The following GTPBP10 variants were observed in gnomAD, a reference collection of about 807,000 sequenced individuals.
GTPBP10 encodes GTP-binding protein 10.
In GTPBP10, 38 loss-of-function variants were observed where a neutral mutation model predicts 44.8. That is an observed-to-expected ratio of 0.85 (90% CI 0.65 to 1.11). GTPBP10 has a LOEUF of 1.11. Ranked by LOEUF, GTPBP10 falls within the 50% of genes most tolerant of loss-of-function variation. The pLI, the probability that GTPBP10 is intolerant of heterozygous loss-of-function variation, is 0.00. For missense variants in GTPBP10, 462 were observed against 453.7 expected (o/e 1.02, Z -0.17); for synonymous variants, 152 against 150.6 (o/e 1.01, Z -0.07).
intron 8 of GTPBP10, among the ~76,000 whole-genome samples, chr7:90,378,750 G>T (rs563734390): frequency 4.6e-5 from 7 of 151,970 alleles, no homozygotes; most frequent in Admixed American, 3.9e-4. Flanking sequence ...TGCTCTGTCT[G>T]CCAGGCTGTA....
At chr7:90,380,932 C>A (rs1245855505) in intron 8 of GTPBP10, among the ~76,000 whole-genome samples, 2 of 152,062 alleles carry the variant, frequency 1.3e-5, no homozygotes, top group African/African-American at 4.8e-5. Context: ...ATAGTGTTCT[C>A]CAGGTTCATC....
At position 90,361,946 on chromosome 7, in the gene GTPBP10, A is replaced by C. The variant is rs191936917; in HGVS notation, c.464+6716A>C. On this transcript the variant is annotated intron_variant, in intron 4 of 9. Coordinates refer to ENST00000222511, the MANE Select transcript of GTPBP10 (RefSeq NM_033107.4). ...GGTGTTTATAGTATTGTCTGATGGTAGTTTGTATTTCTGTGGGATCAGTGG... is the reference window on the plus strand; with the variant it reads ...GGTGTTTATAGTATTGTCTGATGGTCGTTTGTATTTCTGTGGGATCAGTGG... 5.8e-3 allele frequency among the ~76,000 whole-genome samples: 880 copies of C among 152,260 alleles called. 7 individuals are homozygous for C. The highest frequency in any genetic ancestry group is 0.018 in the African/African-American group (747 of 41,550).
intron 8 of GTPBP10, among the ~76,000 whole-genome samples, chr7:90,378,771 A>T (rs530000604): frequency 6.6e-6 from 1 of 152,112 alleles, no homozygotes; most frequent in South Asian, 2.1e-4. Flanking sequence ...GTGCAGTGGC[A>T]TGATCTCGGC....
chr7:90,366,361 C>T (rs915883227), intron 4 of GTPBP10, among the ~76,000 whole-genome samples: 1 of 152,154 alleles, frequency 6.6e-6, no homozygotes, highest in African/African-American at 2.4e-5. Context: ...GGTACCAGCT[C>T]CTCTTTGTAC....
intron 5 of GTPBP10, among the ~76,000 whole-genome samples, chr7:90,372,708 A>G (rs1796281831): frequency 6.6e-6 from 1 of 152,000 alleles, no homozygotes. Flanking sequence ...TTTTTCTGTC[A>G]CAGAATCGTT....
Position 90,346,817 on chromosome 7 carries a change from G to GC in GTPBP10, c.33+44dup, listed in dbSNP as rs758147753. ...CAGCCTGGTCCCCTTAGCGCTGACA[G>GC]CTCTGGTTCTTCTTTGCTCCCCTGT... On this transcript the variant is annotated intron_variant, in intron 1 of 9. Transcript: ENST00000222511. 1.3e-4 allele frequency: 202 copies of GC among 1,595,014 alleles called. 1 individual carries two copies. Among genetic ancestry groups the GC allele is most frequent in the Middle Eastern group, 1.7e-4 (1 of 6,028 alleles).
At chr7:90,384,048 T>C (rs1796478557) in intron 9 of GTPBP10, among the ~76,000 whole-genome samples, 1 of 152,214 alleles carries the variant, frequency 6.6e-6, no homozygotes, top group African/African-American at 2.4e-5. Context: ...TTTTTGCTAG[T>C]TGATCTTGCA....
At position 90,387,343 on chromosome 7, in the gene GTPBP10, C is replaced by CAAACAA. The variant is rs67058094; in HGVS notation, c.*2192_*2193insCAAAAA. ...AAGAGGGAGACTTCCTCTCAAAAAA[C>CAAACAA]AAAATATTGTACTTCAAAAAATTAT... On this transcript the variant is annotated 3_prime_UTR_variant, in exon 10 of 10. Coordinates refer to ENST00000222511, the MANE Select transcript of GTPBP10 (RefSeq NM_033107.4). 1.3e-5 allele frequency: 2 copies of CAAACAA among 152,204 alleles called. No individual in the cohort carries two copies. The highest frequency in any genetic ancestry group is 4.8e-5 in the African/African-American group (2 of 41,522). 9.4% of individuals were successfully genotyped at this position (152,204 alleles called of 1,614,324 possible).
In GTPBP10 at chr7:90,353,021, C is replaced by T. The variant is rs1457795953; in HGVS notation, c.227+12C>T. The T allele has an allele frequency of 6.6e-7, 1 of 1,506,962 alleles. No individual in the cohort carries two copies. The highest frequency in any genetic ancestry group is 2.1e-5 in the Admixed American group (1 of 47,344). The allele number at this position is 1,506,962 out of a possible 1,614,324, so 93.3% of individuals were successfully genotyped here. A position where few individuals can be genotyped will look rare whatever the true frequency, so the allele number is the denominator to read the frequency against. ...GGAGCAAACAGCAAGTAAGTAATTA[C>T]TGAATGACTTAAATTTTAGAAAATC... On this transcript the variant is annotated intron_variant, in intron 2 of 9. Coordinates refer to ENST00000222511, the MANE Select transcript of GTPBP10 (RefSeq NM_033107.4).
At position 90,391,097 on chromosome 7, in the gene GTPBP10, G is replaced by A. The variant is rs960895405; in HGVS notation, c.*5943G>A. ...TCTGTTTTGAAAACAAATCTTTCCAGGAAGTGGTACCACTCTGGGGTCAAG... is the reference window on the plus strand; with the variant it reads ...TCTGTTTTGAAAACAAATCTTTCCAAGAAGTGGTACCACTCTGGGGTCAAG... On this transcript the variant is annotated 3_prime_UTR_variant, in exon 10 of 10. Transcript: ENST00000222511. 5 of 152,108 alleles carry A rather than the reference G, an allele frequency of 3.3e-5. No homozygotes were observed. Among genetic ancestry groups the A allele is most frequent in the African/African-American group, 9.7e-5 (4 of 41,402 alleles). 9.4% of individuals were successfully genotyped at this position (152,108 alleles called of 1,614,324 possible).
intron 8 of GTPBP10, among the ~76,000 whole-genome samples, chr7:90,379,562 C>G (rs111573084): frequency 6.6e-6 from 1 of 152,176 alleles, no homozygotes; most frequent in Non-Finnish European, 1.5e-5. Context: ...TGCCTTACCT[C>G]CAGGATTTTA....
rs918223656 is a variant in GTPBP10 at position 90,387,765 on chromosome 7, G to A, written c.*2611G>A. ...TGATAACAGAAACTGCAGGGGATTGGAATAGCCTCTTTACAAGAAAAGAAT... is the reference window on the plus strand; with the variant it reads ...TGATAACAGAAACTGCAGGGGATTGAAATAGCCTCTTTACAAGAAAAGAAT... On this transcript the variant is annotated 3_prime_UTR_variant, in exon 10 of 10. Transcript: ENST00000222511. 1 of 152,212 alleles carries A rather than the reference G, an allele frequency of 6.6e-6. No homozygotes were observed. The highest frequency in any genetic ancestry group is 1.5e-5 in the Non-Finnish European group (1 of 68,046). 9.4% of individuals were successfully genotyped at this position (152,212 alleles called of 1,614,324 possible).
intron 4 of GTPBP10, among the ~76,000 whole-genome samples, chr7:90,358,868 A>G (rs1031167662): frequency 1.3e-5 from 2 of 152,206 alleles, no homozygotes; most frequent in African/African-American, 4.8e-5. Flanking sequence ...GAGGACTAAT[A>G]TACTGAGTCT....
intron 6 of GTPBP10, 143 bp downstream of exon 6, chr7:90,374,497 G>T: frequency 1.7e-6 from 1 of 587,556 alleles, no homozygotes; most frequent in Non-Finnish European, 3.0e-6. Flanking sequence ...AAGTGAAACT[G>T]GTCAAATTAA....
rs1293548476 is a variant in GTPBP10, at chr7:90,391,362, T to G, written c.*6208T>G. 1.3e-5 allele frequency: 2 copies of G among 152,204 alleles called. No individual in the cohort carries two copies. Among genetic ancestry groups the G allele is most frequent in the African/African-American group, 4.8e-5 (2 of 41,444 alleles). The allele number at this position is 152,204 out of a possible 1,614,324, so 9.4% of individuals were successfully genotyped here. A position where few individuals can be genotyped will look rare whatever the true frequency, so the allele number is the denominator to read the frequency against. On this transcript the variant is annotated 3_prime_UTR_variant, in exon 10 of 10. Transcript: ENST00000222511. ...ATGTTTTTTTCTATATATACACAGC[T>G]ATGATAAAGTTCATAAATTAGGCAC... is the stretch of plus-strand genomic sequence containing the variant.
At chr7:90,348,451 T>C (rs993987545) in intron 1 of GTPBP10, among the ~76,000 whole-genome samples, 1 of 152,168 alleles carries the variant, frequency 6.6e-6, no homozygotes, top group South Asian at 2.1e-4. Context: ...ACTGTATTCT[T>C]AAATTAAGCT....
In GTPBP10 at chr7:90,378,139, T is replaced by C. The variant is rs778415715; in HGVS notation, c.705T>C (p.Asp235=). The C allele has an allele frequency of 1.2e-6, 2 of 1,611,714 alleles. No homozygotes were observed. Among genetic ancestry groups the C allele is most frequent in the Non-Finnish European group, 1.7e-6 (2 of 1,178,372 alleles). The stretch of plus-strand genomic sequence containing the variant: ...TTTCCTTCTCTTTTTTTTAGGTTGA[T>C]ATTTCTGGATTTCAGCTTTCTTCTC... ...ERTRQLLFVV[D]ISGFQLSSHT... is the part of the protein sequence containing the mutation. The change falls in exon 8 of 10, where the codon GAT becomes GAC. Residue 235 remains aspartate (D), a synonymous_variant. Coordinates refer to ENST00000222511, the MANE Select transcript of GTPBP10 (RefSeq NM_033107.4).
At chr7:90,353,612 G>T (rs1490397747) in intron 2 of GTPBP10, among the ~76,000 whole-genome samples, 1 of 151,952 alleles carries the variant, frequency 6.6e-6, no homozygotes, top group African/African-American at 2.4e-5. Flanking sequence ...CCACAGTGCA[G>T]CATTCTGTGT....
chr7:90,380,682 A>G (rs760959073), intron 8 of GTPBP10, among the ~76,000 whole-genome samples: 5 of 152,108 alleles, frequency 3.3e-5, no homozygotes, highest in Non-Finnish European at 7.4e-5. Flanking sequence ...TGTTTTAGCA[A>G]TTTTCAAATA....
Sources: gnomAD v4.1 joint callset for allele counts (sites outside exome capture counted in the v4.1 genomes callset) on GRCh38, gnomAD v4.1.1 for gene constraint, MANE v1.5 for transcripts, NCBI Gene and HGNC (gene_info 2026-07-23, HGNC 2026-07-21) for gene names.